The following SPATA6L variants were observed in gnomAD, a reference collection of about 807,000 sequenced individuals.
SPATA6L encodes spermatogenesis associated 6 like, also known as spermatogenesis associated 6-like protein.
Under a neutral mutation model 49.2 loss-of-function variants are expected in SPATA6L, and 68 were observed. That is an observed-to-expected ratio of 1.38 (90% CI 1.14 to 1.69). The LOEUF is 1.69. Among genes scored for constraint, SPATA6L ranks in the 40% most tolerant of loss-of-function variants. The pLI is 0.00. For synonymous variants in SPATA6L, 198 were observed against 165.7 expected (o/e 1.19, Z -1.50); for missense variants, 668 against 464.3 (o/e 1.44, Z -4.03).
intron 7 of SPATA6L, among the ~76,000 whole-genome samples, chr9:4,619,321 C>G (rs1828750107): frequency 6.6e-6 from 1 of 151,596 alleles, no homozygotes; most frequent in African/African-American, 2.4e-5. Context: ...CATGCCCGGC[C>G]AATTTTTTGT....
At chr9:4,631,407 A>T (rs12344182) in intron 4 of SPATA6L, among the ~76,000 whole-genome samples, 1,530 of 152,256 alleles carry the variant, frequency 0.01, 27 homozygotes, top group African/African-American at 0.034. Context: ...ATAGGAAAAC[A>T]GTATTATTAT....
chr9:4,598,648 T>C lies in SPATA6L; in HGVS notation c.*2163A>G, dbSNP rs147473114. ...ATTTCAAAAAACACTGAATATTGAA[T>C]GTCATGGTGTATATTTTAACAATAA... On this transcript the variant is annotated 3_prime_UTR_variant, in exon 12 of 12. Transcript: ENST00000682582. Among the ~76,000 whole-genome samples, 10 of 152,232 alleles carry C rather than the reference T, an allele frequency of 6.6e-5. No individual in the cohort carries two copies. Among genetic ancestry groups the C allele is most frequent in the Non-Finnish European group, 1.3e-4 (9 of 68,042 alleles).
chr9:4,651,015 T>C (rs1172529116), intron 3 of SPATA6L, among the ~76,000 whole-genome samples: 1 of 152,032 alleles, frequency 6.6e-6, no homozygotes. Context: ...AAATAATTTT[T>C]TTTTTAAGAC....
intron 3 of SPATA6L, among the ~76,000 whole-genome samples, chr9:4,655,820 G>C (rs987034475): frequency 6.6e-6 from 1 of 151,838 alleles, no homozygotes; most frequent in South Asian, 2.1e-4. Flanking sequence ...CAAAGTGCTG[G>C]GATTACAGAT....
intron 6 of SPATA6L, among the ~76,000 whole-genome samples, chr9:4,624,392 T>G (rs1334741364): frequency 1.3e-5 from 2 of 152,200 alleles, no homozygotes; most frequent in Non-Finnish European, 2.9e-5. Flanking sequence ...TGGATAAATT[T>G]TTTCTTGAAC....
intron 9 of SPATA6L, 106 bp from the exon 10 acceptor site, chr9:4,605,546 ACAG>A (rs1187967304): frequency 1.8e-5 from 13 of 724,548 alleles, no homozygotes; most frequent in Non-Finnish European, 2.5e-5. Context: ...ATAATAAAAA[ACAG>A]CAGCATGCAA....
chr9:4,664,677 C>G (rs1277639947), intron 1 of SPATA6L: 2 of 167,054 alleles, frequency 1.2e-5, no homozygotes, highest in East Asian at 1.9e-4. Context: ...ATCTTAATGA[C>G]TATTTTGGCA....
rs45463394 is a variant in SPATA6L, at chr9:4,625,415, T to C, written c.581A>G (p.His194Arg). 0.042 allele frequency: 67,610 copies of C among 1,614,010 alleles called. 2,012 individuals are homozygous for C. The highest frequency in any genetic ancestry group is 0.099 in the African/African-American group (7,428 of 74,994). ...ARAPSQYSTR[H>R]FFQDQPAQLN... ...CTGAGCTGGCTGGTCCTGGAAGAAA[T>C]GCCTGGTAGAATATTGAGAGGGCGC... The change falls in exon 6 of 12, where the codon CAT (histidine) becomes CGT (arginine). Residue 194 changes from histidine (H) to arginine (R), a missense_variant. His to Arg is a conservative substitution (Grantham distance 29). Coordinates refer to ENST00000682582, the MANE Select transcript of SPATA6L (RefSeq NM_001353486.2).
At chr9:4,624,796 C>T (rs1466922588) in intron 6 of SPATA6L, among the ~76,000 whole-genome samples, 2 of 151,816 alleles carry the variant, frequency 1.3e-5, no homozygotes, top group Non-Finnish European at 2.9e-5. Flanking sequence ...CCTACCACTA[C>T]CTGAGGACAA....
At chr9:4,638,946 A>T (rs914732643) in intron 3 of SPATA6L, among the ~76,000 whole-genome samples, 1 of 151,910 alleles carries the variant, frequency 6.6e-6, no homozygotes, top group Non-Finnish European at 1.5e-5. Context: ...CACAAATTCA[A>T]GTTCTAGGGT....
chr9:4,654,169 T>C (rs1486746910), intron 3 of SPATA6L, among the ~76,000 whole-genome samples: 1 of 152,200 alleles, frequency 6.6e-6, no homozygotes, highest in Non-Finnish European at 1.5e-5. Context: ...GGCCAGGATG[T>C]GGGAAAATGG....
At chr9:4,632,555 C>G (rs1047180303) in intron 4 of SPATA6L, among the ~76,000 whole-genome samples, 2 of 148,510 alleles carry the variant, frequency 1.3e-5, no homozygotes, top group Admixed American at 6.8e-5. Flanking sequence ...GAGATCGCTG[C>G]ACTGCACTCC....
rs1339923798 is a variant in SPATA6L, at chr9:4,662,227, C to T, written c.40-191G>A. Reference sequence around the variant, plus strand: ...CTCACATTGGAAATTCCAACTCCCTCCCACGTCTCCACCAGGTGTCACAAT... The same window carrying T: ...CTCACATTGGAAATTCCAACTCCCTTCCACGTCTCCACCAGGTGTCACAAT... On this transcript the variant is annotated intron_variant, in intron 1 of 11. Coordinates refer to ENST00000682582, the MANE Select transcript of SPATA6L (RefSeq NM_001353486.2). The surrounding 1 kb of genome is among the most constrained non-coding windows in gnomAD (Gnocchi z 4.9). 2 of 1,434,490 alleles carry T rather than the reference C, an allele frequency of 1.4e-6. No homozygotes were observed. The highest frequency in any genetic ancestry group is 1.4e-5 in the African/African-American group (1 of 69,504). 88.9% of individuals were successfully genotyped at this position (1,434,490 alleles called of 1,614,324 possible). A position where few individuals can be genotyped will look rare whatever the true frequency, so the allele number is the denominator to read the frequency against.
intron 7 of SPATA6L, among the ~76,000 whole-genome samples, chr9:4,620,226 TC>T (rs1828964257): frequency 6.6e-6 from 1 of 151,560 alleles, no homozygotes; most frequent in South Asian, 2.1e-4. Flanking sequence ...ATAACCTCCT[TC>T]CCCTGTGGAT....
chr9:4,654,658 G>A, intron 3 of SPATA6L, among the ~76,000 whole-genome samples: 1 of 152,172 alleles, frequency 6.6e-6, no homozygotes, highest in South Asian at 2.1e-4. Flanking sequence ...GAGCCAGCAG[G>A]GAGATGGTTT....
chr9:4,655,222 T>C (rs1171844309), intron 3 of SPATA6L, among the ~76,000 whole-genome samples: 1 of 152,188 alleles, frequency 6.6e-6, no homozygotes, highest in African/African-American at 2.4e-5. Context: ...ATACAAAAAA[T>C]TAAGTTCTGG....
chr9:4,609,773 A>G (rs1826213020), intron 9 of SPATA6L, among the ~76,000 whole-genome samples: 1 of 151,538 alleles, frequency 6.6e-6, no homozygotes, highest in African/African-American at 2.4e-5. Context: ...CCTATTCAAC[A>G]TAGTGTTGGA....
intron 3 of SPATA6L, among the ~76,000 whole-genome samples, chr9:4,644,783 A>G (rs917943487): frequency 5.3e-5 from 8 of 151,930 alleles, no homozygotes; most frequent in Non-Finnish European, 7.4e-5. Flanking sequence ...ATTTATGAGA[A>G]TTGGTGCCAC....
intron 4 of SPATA6L, among the ~76,000 whole-genome samples, chr9:4,632,658 T>C (rs930107830): frequency 6.6e-6 from 1 of 151,550 alleles, no homozygotes; most frequent in South Asian, 2.1e-4. Flanking sequence ...GGATTTGCAA[T>C]GTGTCTAGCA....
Sources: gnomAD v4.1 joint callset for allele counts (sites outside exome capture counted in the v4.1 genomes callset) on GRCh38, gnomAD v4.1.1 for gene constraint, Gnocchi (gnomAD v3.1) non-coding constraint, MANE v1.5 for transcripts, NCBI Gene and HGNC (gene_info 2026-07-23, HGNC 2026-07-21) for gene names.